MGAT4A: variants seen among roughly 807,000 people sequenced by gnomAD.
MGAT4A encodes the protein N-acetylglucosaminyltransferase IVa.
MGAT4A carries 33 observed loss-of-function variants against 74.1 expected under a neutral mutation model. The ratio of observed to expected loss-of-function variants is 0.45; its 90% CI spans 0.34 to 0.60. MGAT4A has a LOEUF of 0.60. Ranked by LOEUF, MGAT4A falls within the 20% of genes least tolerant of loss-of-function variation. MGAT4A has a pLI of 0.02. For synonymous variants in MGAT4A, 198 were observed against 210.4 expected (o/e 0.94, Z 0.51); for missense variants, 479 against 628.3 (o/e 0.76, Z 2.54).
At chr2:98,715,500 G>A (rs1025829739) in intron 2 of MGAT4A, among the ~76,000 whole-genome samples, 1 of 152,056 alleles carries the variant, frequency 6.6e-6, no homozygotes, top group East Asian at 1.9e-4. Flanking sequence ...CCTCTGCAGG[G>A]ACACAGATGG....
intron 8 of MGAT4A, among the ~76,000 whole-genome samples, chr2:98,645,820 G>A (rs1193223155): frequency 6.6e-6 from 1 of 152,160 alleles, no homozygotes; most frequent in Non-Finnish European, 1.5e-5. Context: ...GAATGATGCT[G>A]ACATGTGAGT....
intron 12 of MGAT4A, among the ~76,000 whole-genome samples, chr2:98,636,893 C>A (rs2104228398): frequency 6.6e-6 from 1 of 152,302 alleles, no homozygotes; most frequent in Middle Eastern, 3.4e-3. Flanking sequence ...TTTTATGTCA[C>A]TGTCTATAAT....
intron 2 of MGAT4A, among the ~76,000 whole-genome samples, chr2:98,708,680 A>T (rs1702474564): frequency 6.6e-6 from 1 of 152,230 alleles, no homozygotes; most frequent in African/African-American, 2.4e-5. Flanking sequence ...GCATGATTCA[A>T]GTATCCTTTA....
At chr2:98,715,317 C>CAAAAAAAA (rs201860893) in intron 2 of MGAT4A, among the ~76,000 whole-genome samples, 10 of 63,236 alleles carry the variant, frequency 1.6e-4, no homozygotes, top group Non-Finnish European at 2.0e-4. Context: ...GACTTCATCT[C>CAAAAAAAA]AAAAAAAAAA....
chr2:98,699,088 G>A (rs1702315172), intron 2 of MGAT4A, among the ~76,000 whole-genome samples: 1 of 152,156 alleles, frequency 6.6e-6, no homozygotes, highest in Non-Finnish European at 1.5e-5. Context: ...GACACACGGA[G>A]AGAAGTTTGG....
chr2:98,703,384 C>A (rs1405988203), intron 2 of MGAT4A, among the ~76,000 whole-genome samples: 1 of 151,998 alleles, frequency 6.6e-6, no homozygotes, highest in Non-Finnish European at 1.5e-5. Flanking sequence ...GAAAACTGAA[C>A]AAACTGAACA....
chr2:98,730,422 GGGGCTGCTCTTTCACGC>G (rs1190597900), intron 1 of MGAT4A, among the ~76,000 whole-genome samples: 11 of 152,178 alleles, frequency 7.2e-5, no homozygotes, highest in Non-Finnish European at 1.5e-4. Flanking sequence ...TGGGGAAACG[GGGGCTGCTCTTTCACGC>G]GGGCCCCGCA....
chr2:98,638,486 C>T (rs1701356415), intron 12 of MGAT4A, among the ~76,000 whole-genome samples: 1 of 152,176 alleles, frequency 6.6e-6, no homozygotes, highest in Non-Finnish European at 1.5e-5. Flanking sequence ...TACAGCATTC[C>T]ACTGCGTGGC....
intron 8 of MGAT4A, among the ~76,000 whole-genome samples, chr2:98,651,908 G>A (rs183103836): frequency 6.6e-6 from 1 of 152,180 alleles, no homozygotes; most frequent in Non-Finnish European, 1.5e-5. Flanking sequence ...AAGAAAACAA[G>A]GATGGCCATA....
chr2:98,725,058 G>A (rs1210479566), intron 2 of MGAT4A, among the ~76,000 whole-genome samples: 1 of 152,194 alleles, frequency 6.6e-6, no homozygotes, highest in East Asian at 1.9e-4. Context: ...CTAGGCAACA[G>A]AGTGAAACTC....
chr2:98,727,741 T>C (rs1334054768), intron 1 of MGAT4A, among the ~76,000 whole-genome samples: 1 of 152,228 alleles, frequency 6.6e-6, no homozygotes, highest in African/African-American at 2.4e-5. Context: ...CCACTGCTTC[T>C]TAACACTGAA....
intron 2 of MGAT4A, among the ~76,000 whole-genome samples, chr2:98,714,350 G>C (rs1043230820): frequency 6.6e-6 from 1 of 152,134 alleles, no homozygotes; most frequent in African/African-American, 2.4e-5. Context: ...GCCTCCCAAA[G>C]TGCTGGGATT....
intron 8 of MGAT4A, among the ~76,000 whole-genome samples, chr2:98,646,543 C>A (rs1559158473): frequency 6.6e-6 from 1 of 151,998 alleles, no homozygotes; most frequent in Middle Eastern, 3.4e-3. Flanking sequence ...CTCATCTCTA[C>A]AAAAAATTAA....
chr2:98,629,157 G>C (rs1701188866), intron 14 of MGAT4A, among the ~76,000 whole-genome samples: 1 of 152,168 alleles, frequency 6.6e-6, no homozygotes, highest in South Asian at 2.1e-4. Flanking sequence ...GGCCAGATGT[G>C]CCCCATGGAC....
chr2:98,663,985 C>T (rs1179521220), intron 4 of MGAT4A, among the ~76,000 whole-genome samples: 4 of 152,006 alleles, frequency 2.6e-5, no homozygotes, highest in African/African-American at 7.2e-5. Context: ...AGGTGGTACA[C>T]TGCTTGAGCT....
At chr2:98,671,299 C>T (rs1455282436) in intron 4 of MGAT4A, among the ~76,000 whole-genome samples, 1 of 152,184 alleles carries the variant, frequency 6.6e-6, no homozygotes, top group Non-Finnish European at 1.5e-5. Flanking sequence ...TTATCTATTC[C>T]TCTTCCCACA....
At chr2:98,712,516 T>G (rs1380858719) in intron 2 of MGAT4A, among the ~76,000 whole-genome samples, 1 of 152,224 alleles carries the variant, frequency 6.6e-6, no homozygotes, top group African/African-American at 2.4e-5. Context: ...ACTTCTGGAG[T>G]TTGTTACACA....
chr2:98,623,814 T>TCAGCACATTAA lies in MGAT4A; in HGVS notation c.*1751_*1752insTTAATGTGCTG. The TCAGCACATTAA allele has an allele frequency of 1.0e-6, 1 of 985,416 alleles. No individual in the cohort carries two copies. The highest frequency in any genetic ancestry group is 1.2e-6 in the Non-Finnish European group (1 of 829,946). The allele number at this position is 985,416 out of a possible 1,614,324, so 61.0% of individuals were successfully genotyped here. A position where few individuals can be genotyped will look rare whatever the true frequency, so the allele number is the denominator to read the frequency against. ...AATGATGCTATTTCATGCTGTTGGT[T>TCAGCACATTAA]CAGCACATTGGGTAACTAGATGAAG... On this transcript the variant is annotated 3_prime_UTR_variant, in exon 16 of 16. Coordinates refer to ENST00000393487, the MANE Select transcript of MGAT4A (RefSeq NM_012214.3).
Position 98,645,489 on chromosome 2 carries a change from A to G in MGAT4A, c.828T>C (p.Phe276=). 1 of 1,593,350 alleles carries G rather than the reference A, an allele frequency of 6.3e-7. No individual in the cohort carries two copies. The highest frequency in any genetic ancestry group is 8.5e-7 in the Non-Finnish European group (1 of 1,175,196). ...ATTCCTCAGAAGAAAGTTGAAGTGCAAAATTTTTTATGGTATTAAAATAAT... is the reference window on the plus strand; with the variant it reads ...ATTCCTCAGAAGAAAGTTGAAGTGCGAAATTTTTTATGGTATTAAAATAAT... ...KQNYFNTIKN[F]ALQLSSEEWM... is the part of the protein sequence containing the mutation. Residue 276 remains phenylalanine, a synonymous_variant, in exon 9 of 16, where the codon TTT becomes TTC. Coordinates refer to ENST00000393487, the MANE Select transcript of MGAT4A (RefSeq NM_012214.3).
Sources: allele counts gnomAD v4.1 joint callset (sites outside exome capture counted in the v4.1 genomes callset), GRCh38; gene constraint gnomAD v4.1.1; transcripts MANE v1.5; gene names NCBI Gene and HGNC (gene_info 2026-07-23, HGNC 2026-07-21).